CUX2: variants seen among roughly 807,000 people sequenced by gnomAD.
The protein encoded by CUX2 is homeobox protein cut-like 2.
CUX2 carries 40 observed loss-of-function variants against 144.8 expected under a neutral mutation model. The ratio of observed to expected loss-of-function variants is 0.28; its 90% CI spans 0.21 to 0.36. CUX2 has a LOEUF of 0.36. Ranked by LOEUF, CUX2 falls within the 10% of genes least tolerant of loss-of-function variation. The probability of loss-of-function intolerance (pLI) is 1.00; values close to 1 mark genes in which losing one functional copy is unlikely to be tolerated. For missense variants in CUX2, 1,615 were observed against 1,994.0 expected (o/e 0.81, Z 3.62); for synonymous variants, 827 against 875.6 (o/e 0.94, Z 0.98).
At chr12:111,072,639 C>T (rs1398854716) in intron 1 of CUX2, among the ~76,000 whole-genome samples, 2 of 152,178 alleles carry the variant, frequency 1.3e-5, no homozygotes, top group Admixed American at 1.3e-4. Flanking sequence ...GGAGACCTGG[C>T]CCTGCCCCAG....
chr12:111,038,503 C>G (rs999613024), intron 1 of CUX2, among the ~76,000 whole-genome samples: 2 of 152,256 alleles, frequency 1.3e-5, no homozygotes, highest in African/African-American at 4.8e-5. Context: ...AAGACAAACC[C>G]TTGGACTCTC....
intron 1 of CUX2, among the ~76,000 whole-genome samples, chr12:111,130,057 A>C (rs75489611): frequency 0.048 from 7,348 of 152,196 alleles, 595 homozygotes; most frequent in African/African-American, 0.17. Flanking sequence ...GAATGTTCTG[A>C]TTACTTCCTT....
At chr12:111,153,376 A>T (rs992548774) in intron 1 of CUX2, among the ~76,000 whole-genome samples, 3 of 152,100 alleles carry the variant, frequency 2.0e-5, no homozygotes, top group African/African-American at 7.2e-5. Context: ...ATGCGTTGTT[A>T]GTCAGTTTCA....
chr12:111,096,370 A>G (rs959735586), intron 1 of CUX2, among the ~76,000 whole-genome samples: 3 of 152,188 alleles, frequency 2.0e-5, no homozygotes, highest in Admixed American at 6.5e-5. Flanking sequence ...CCCAGAAGCC[A>G]GTTGGGTTTA....
chr12:111,215,254 G>A (rs550849193), intron 2 of CUX2, among the ~76,000 whole-genome samples: 2 of 152,152 alleles, frequency 1.3e-5, no homozygotes, highest in South Asian at 2.1e-4. Flanking sequence ...GTCTGATACC[G>A]AGATTGGTGG....
At chr12:111,215,651 C>T (rs907749907) in intron 2 of CUX2, among the ~76,000 whole-genome samples, 1 of 152,186 alleles carries the variant, frequency 6.6e-6, no homozygotes. Context: ...CCTTTTAGAA[C>T]AGAGCTCAGC....
At chr12:111,130,832 G>C (rs931712306) in intron 1 of CUX2, among the ~76,000 whole-genome samples, 1 of 152,160 alleles carries the variant, frequency 6.6e-6, no homozygotes, top group African/African-American at 2.4e-5. Flanking sequence ...CCCAACACAT[G>C]GTTAGAACCC....
chr12:111,321,615 G>A (rs1010272549), intron 17 of CUX2, among the ~76,000 whole-genome samples: 1 of 152,008 alleles, frequency 6.6e-6, no homozygotes, highest in Non-Finnish European at 1.5e-5. Context: ...CCAGGTGGTC[G>A]AGGCTACAGT....
At chr12:111,162,564 C>G (rs1335398252) in intron 1 of CUX2, among the ~76,000 whole-genome samples, 1 of 152,176 alleles carries the variant, frequency 6.6e-6, no homozygotes, top group African/African-American at 2.4e-5. Context: ...TCCATCACAG[C>G]GATGATGGGA....
intron 1 of CUX2, among the ~76,000 whole-genome samples, chr12:111,103,217 G>T (rs903121771): frequency 6.6e-6 from 1 of 152,144 alleles, no homozygotes; most frequent in Non-Finnish European, 1.5e-5. Context: ...TGGACAAGCG[G>T]TGCACCATGC....
Position 111,307,361 on chromosome 12 carries a change from T to C in CUX2, c.1109+104T>C. On this transcript the variant is annotated intron_variant, in intron 12 of 21. Transcript: ENST00000261726. The surrounding 1 kb of genome is among the most constrained non-coding windows in gnomAD (Gnocchi z 4.1). Reference sequence around the variant, plus strand: ...CTCCCTCCTACTAAACCCCATTTGTTCTTCTCTCCACTAACACTGTGGATA... The same window carrying C: ...CTCCCTCCTACTAAACCCCATTTGTCCTTCTCTCCACTAACACTGTGGATA... 1 of 1,035,492 alleles carries C rather than the reference T, an allele frequency of 9.7e-7. No individual in the cohort carries two copies. The allele number at this position is 1,035,492 out of a possible 1,614,324, so 64.1% of individuals were successfully genotyped here.
chr12:111,175,163 A>G (rs562192982), intron 1 of CUX2, among the ~76,000 whole-genome samples: 1 of 152,304 alleles, frequency 6.6e-6, no homozygotes, highest in East Asian at 1.9e-4. Flanking sequence ...TTTATCACAA[A>G]TCACATTCCA....
intron 19 of CUX2, 84 bp from the exon 20 acceptor site, chr12:111,338,202 C>T: frequency 7.1e-7 from 1 of 1,410,678 alleles, no homozygotes; most frequent in Non-Finnish European, 9.6e-7. Context: ...TCCCCTGTGT[C>T]TCTGGCCTAT....
chr12:111,129,023 C>A (rs1413786611), intron 1 of CUX2, among the ~76,000 whole-genome samples: 1 of 152,180 alleles, frequency 6.6e-6, no homozygotes, highest in Non-Finnish European at 1.5e-5. Flanking sequence ...CAAAGATGCC[C>A]ACTAGGCATT....
chr12:111,054,815 C>T (rs1308269278), intron 1 of CUX2, among the ~76,000 whole-genome samples: 6 of 152,082 alleles, frequency 3.9e-5, no homozygotes, highest in Non-Finnish European at 7.4e-5. Flanking sequence ...TTAGTAGAGA[C>T]GAAGTTTCAC....
intron 3 of CUX2, among the ~76,000 whole-genome samples, chr12:111,238,838 C>T (rs1250350125): frequency 6.6e-6 from 1 of 152,038 alleles, no homozygotes; most frequent in African/African-American, 2.4e-5. Flanking sequence ...TTAGGTCAGG[C>T]GTTTGCAACC....
intron 1 of CUX2, among the ~76,000 whole-genome samples, chr12:111,087,399 G>GAA (rs1872298520): frequency 8.3e-6 from 1 of 120,798 alleles, no homozygotes; most frequent in East Asian, 2.5e-4. Flanking sequence ...AAAAAAGAAA[G>GAA]AAAAGAAAGA....
At position 111,082,909 on chromosome 12, in the gene CUX2, G is replaced by A. The variant is rs577456491; in HGVS notation, c.63+48669G>A. On this transcript the variant is annotated intron_variant, in intron 1 of 21. Coordinates refer to ENST00000261726, the MANE Select transcript of CUX2 (RefSeq NM_015267.4). ...TTGCTGGGTAGCTTGGTGGGCCATG[G>A]GGAGCCATGGAGGACATTTGAGCAG... Among the ~76,000 whole-genome samples the A allele has an allele frequency of 3.5e-4, 54 of 152,226 alleles. 1 individual carries two copies. The highest frequency in any genetic ancestry group is 1.2e-3 in the African/African-American group (51 of 41,542).
intron 1 of CUX2, among the ~76,000 whole-genome samples, chr12:111,188,245 C>T (rs1219129240): frequency 1.3e-5 from 2 of 152,202 alleles, no homozygotes; most frequent in Admixed American, 6.5e-5. Context: ...GTGTCTGCAA[C>T]ATCAGAAATC....
Sources: gnomAD v4.1 joint callset for allele counts (sites outside exome capture counted in the v4.1 genomes callset) on GRCh38, gnomAD v4.1.1 for gene constraint, Gnocchi (gnomAD v3.1) non-coding constraint, MANE v1.5 for transcripts, NCBI Gene and HGNC (gene_info 2026-07-23, HGNC 2026-07-21) for gene names.